Variants in NLK observed in about 807,000 individuals in gnomAD.
NLK encodes the protein serine/threonine-protein kinase NLK.
Under a neutral mutation model 59.0 loss-of-function variants are expected in NLK, and 11 were observed. The ratio of observed to expected loss-of-function variants is 0.19; its 90% CI spans 0.12 to 0.31. NLK has a LOEUF of 0.31. NLK is among the 10% of genes least tolerant of loss of function. NLK has a pLI of 1.00. For synonymous variants in NLK, 235 were observed against 235.9 expected (o/e 1.00, Z 0.03); for missense variants, 410 against 661.1 (o/e 0.62, Z 4.16).
chr17:28,138,060 A>G (rs1906832901), intron 3 of NLK, among the ~76,000 whole-genome samples: 1 of 152,326 alleles, frequency 6.6e-6, no homozygotes. Flanking sequence ...CTTTGAGCCT[A>G]CTGAAATTTA....
chr17:28,193,041 C>A (rs962590953), intron 10 of NLK, among the ~76,000 whole-genome samples: 1 of 152,146 alleles, frequency 6.6e-6, no homozygotes, highest in Non-Finnish European at 1.5e-5. Flanking sequence ...ATTTCTTTTT[C>A]CTTAACTCCT....
chr17:28,204,392 T>C, the NLK span, among the ~76,000 whole-genome samples: 4 of 152,230 alleles, frequency 2.6e-5, no homozygotes, highest in Non-Finnish European at 5.9e-5. Context: ...GAGTGCGTAG[T>C]GTTTAGGGAA....
Position 28,192,139 on chromosome 17 carries a change from T to G in NLK, c.1455T>G (p.Ile485Met), listed in dbSNP as rs1909325796. The change falls in exon 10 of 11, where the codon ATT (isoleucine) becomes ATG (methionine). Residue 485 changes from isoleucine (I) to methionine (M), a missense_variant. This residue lies in a region of NLK where 150 missense variants were observed against 244.3 expected (regional missense o/e 0.61). Transcript: ENST00000407008. ...RQVKEIIHQF[I>M]LEQQKGNRVP... ...CCACAGAAATTATTCATCAGTTCAT[T>G]TTGGAACAGCAGAAAGGAAACAGAG... The G allele has an allele frequency of 1.2e-6, 2 of 1,607,158 alleles. No individual in the cohort carries two copies. The highest frequency in any genetic ancestry group is 2.2e-5 in the East Asian group (1 of 44,808).
downstream of NLK, among the ~76,000 whole-genome samples, chr17:28,199,690 C>CAAAA (rs1909578442): frequency 6.4e-4 from 24 of 37,508 alleles, no homozygotes; most frequent in South Asian, 1.0e-3. Context: ...AAAAACAAAA[C>CAAAA]AAAACAAAAA....
At chr17:28,095,342 T>G (rs961482720) in intron 1 of NLK, among the ~76,000 whole-genome samples, 2 of 152,150 alleles carry the variant, frequency 1.3e-5, no homozygotes, top group Non-Finnish European at 2.9e-5. Context: ...TGCTGAAAAG[T>G]CTACATGGCC....
intron 10 of NLK, 29 bp downstream of exon 10, chr17:28,192,242 T>A (rs753281716): frequency 3.4e-6 from 4 of 1,184,496 alleles, no homozygotes; most frequent in Non-Finnish European, 5.0e-6. Flanking sequence ...TTCAACATTC[T>A]TGTTAGAATT....
chr17:28,133,356 C>T (rs947226487), intron 3 of NLK, among the ~76,000 whole-genome samples: 9 of 152,144 alleles, frequency 5.9e-5, no homozygotes, highest in Non-Finnish European at 1.2e-4. Flanking sequence ...GATTTGGTTC[C>T]AGGTATTCTG....
Position 28,140,491 on chromosome 17 carries a change from G to A in NLK, c.644+7816G>A, listed in dbSNP as rs117862673. ...AAGGACCTGACTGTTGGAGCTGAGA[G>A]GCAGTGACTGTCGTGAAAGAAGAAC... is the stretch of plus-strand genomic sequence containing the variant. On this transcript the variant is annotated intron_variant, in intron 3 of 10. Coordinates refer to ENST00000407008, the MANE Select transcript of NLK (RefSeq NM_016231.5). 7.9e-5 allele frequency among the ~76,000 whole-genome samples: 12 copies of A among 152,224 alleles called. No homozygotes were observed. The East Asian group carries it at 1.5e-3, about 20-fold the overall frequency.
At chr17:28,147,322 C>G (rs1284759937) in intron 3 of NLK, among the ~76,000 whole-genome samples, 1 of 152,120 alleles carries the variant, frequency 6.6e-6, no homozygotes, top group Non-Finnish European at 1.5e-5. Flanking sequence ...AATTGAAGGT[C>G]AGAATTTGAT....
At chr17:28,054,017 C>T (rs936764186) in intron 1 of NLK, among the ~76,000 whole-genome samples, 7 of 152,284 alleles carry the variant, frequency 4.6e-5, no homozygotes, top group African/African-American at 1.7e-4. Context: ...ACTTCCCTCT[C>T]TTTTCTAATT....
intron 1 of NLK, among the ~76,000 whole-genome samples, chr17:28,121,268 G>C (rs1481888838): frequency 6.6e-6 from 1 of 151,642 alleles, no homozygotes; most frequent in Non-Finnish European, 1.5e-5. Flanking sequence ...CAGAGCATTG[G>C]ATGATCAGAA....
At chr17:28,104,400 C>G (rs1198456255) in intron 1 of NLK, among the ~76,000 whole-genome samples, 1 of 152,110 alleles carries the variant, frequency 6.6e-6, no homozygotes, top group Admixed American at 6.5e-5. Context: ...GGATTACAGG[C>G]ACACGCCACT....
intron 7 of NLK, among the ~76,000 whole-genome samples, chr17:28,179,109 C>CCCACAT (rs1332821803): frequency 6.6e-6 from 1 of 152,126 alleles, no homozygotes; most frequent in African/African-American, 2.4e-5. Flanking sequence ...CCCACTCACT[C>CCCACAT]CCACATTGCT....
At position 28,172,633 on chromosome 17, in the gene NLK, G is replaced by A. The variant is rs1908511310; in HGVS notation, c.1149+15G>A. 2 of 1,436,728 alleles carry A rather than the reference G, an allele frequency of 1.4e-6. No individual in the cohort carries two copies. The highest frequency in any genetic ancestry group is 2.3e-5 in the Admixed American group (1 of 43,438). 89.0% of individuals were successfully genotyped at this position (1,436,728 alleles called of 1,614,324 possible). A position where few individuals can be genotyped will look rare whatever the true frequency, so the allele number is the denominator to read the frequency against. On this transcript the variant is annotated intron_variant, in intron 7 of 10. Transcript: ENST00000407008. ...CTCATAAACAGGTGAGAGGAGGGGG[G>A]AATCTTTTTCTGGTAACCATCTGTT...
chr17:28,196,903 T>C (rs1909497916), downstream of NLK, among the ~76,000 whole-genome samples: 1 of 152,242 alleles, frequency 6.6e-6, no homozygotes. Flanking sequence ...AAAGCAACAT[T>C]ACTCTTGAGT....
Position 28,066,698 on chromosome 17 carries a change from A to G in NLK, c.458+23367A>G, listed in dbSNP as rs915358285. On this transcript the variant is annotated intron_variant, in intron 1 of 10. Coordinates refer to ENST00000407008, the MANE Select transcript of NLK (RefSeq NM_016231.5). Reference sequence around the variant, plus strand: ...AAAGAAACTACCAAACTGTTTTCCAAAGCAATCGCAATTTGCATTCCCACC... The same window carrying G: ...AAAGAAACTACCAAACTGTTTTCCAGAGCAATCGCAATTTGCATTCCCACC... Among the ~76,000 whole-genome samples the G allele has an allele frequency of 7.9e-5, 12 of 152,220 alleles. 1 individual carries two copies. Among genetic ancestry groups the G allele is most frequent in the Admixed American group, 3.9e-4 (6 of 15,280 alleles).
chr17:28,180,211 TAAAG>T (rs1349799248), intron 7 of NLK, among the ~76,000 whole-genome samples: 1 of 152,206 alleles, frequency 6.6e-6, no homozygotes, highest in East Asian at 1.9e-4. Context: ...TGTCCTTCTA[TAAAG>T]AAAGGTGAAA....
chr17:28,078,919 A>T (rs1249756762), intron 1 of NLK, among the ~76,000 whole-genome samples: 1 of 152,172 alleles, frequency 6.6e-6, no homozygotes, highest in Non-Finnish European at 1.5e-5. Context: ...GACCATTGTA[A>T]CCATTTAAAA....
intron 1 of NLK, among the ~76,000 whole-genome samples, chr17:28,052,888 G>GTTTTT (rs768444319): frequency 8.9e-6 from 1 of 112,522 alleles, no homozygotes; most frequent in African/African-American, 3.3e-5. Context: ...GATCTCTGGT[G>GTTTTT]TTTTTTTTTT....
Sources: gnomAD v4.1 joint callset for allele counts (sites outside exome capture counted in the v4.1 genomes callset) on GRCh38, gnomAD v4.1.1 for gene constraint, gnomAD v4.1.1 regional missense constraint, MANE v1.5 for transcripts, NCBI Gene and HGNC (gene_info 2026-07-23, HGNC 2026-07-21) for gene names.